Variants in OPRD1 observed in about 807,000 individuals in gnomAD.
OPRD1 encodes delta-type opioid receptor.
A neutral mutation model predicts 17.5 loss-of-function variants in OPRD1; 19 were observed. That is an observed-to-expected ratio of 1.09 (90% CI 0.76 to 1.60). The LOEUF (loss-of-function observed/expected upper bound fraction) is 1.60, where lower values mean the gene tolerates loss of function less well. Among genes scored for constraint, OPRD1 ranks in the 40% most tolerant of loss-of-function variants. OPRD1 has a pLI of 0.00. For missense variants in OPRD1, 483 were observed against 547.2 expected (o/e 0.88, Z 1.17); for synonymous variants, 256 against 240.9 (o/e 1.06, Z -0.58).
chr1:28,824,093 C>T (rs938104283), intron 1 of OPRD1, among the ~76,000 whole-genome samples: 3 of 148,828 alleles, frequency 2.0e-5, no homozygotes, highest in Admixed American at 6.7e-5. Context: ...GCAGGAGAAT[C>T]GCTTGAGCCT....
At chr1:28,839,229 C>T (rs559700880) in intron 1 of OPRD1, among the ~76,000 whole-genome samples, 4 of 152,206 alleles carry the variant, frequency 2.6e-5, no homozygotes, top group South Asian at 4.2e-4. Context: ...TGCTTCTTCC[C>T]GTTTCTGGTG....
At chr1:28,853,261 G>A (rs2089023787) in intron 1 of OPRD1, among the ~76,000 whole-genome samples, 1 of 152,248 alleles carries the variant, frequency 6.6e-6, no homozygotes, top group African/African-American at 2.4e-5. Flanking sequence ...TCAGGTGGAA[G>A]TGATGTGTCG....
chr1:28,845,134 G>A (rs1372909308), intron 1 of OPRD1, among the ~76,000 whole-genome samples: 1 of 151,782 alleles, frequency 6.6e-6, no homozygotes, highest in Non-Finnish European at 1.5e-5. Flanking sequence ...CACAAGGTCA[G>A]GAGTTCGAGA....
intron 1 of OPRD1, among the ~76,000 whole-genome samples, chr1:28,818,389 C>A (rs1292322022): frequency 6.6e-6 from 1 of 152,142 alleles, no homozygotes; most frequent in East Asian, 1.9e-4. Context: ...GTTGCAACTC[C>A]ACAGACAAGT....
chr1:28,830,728 A>G (rs1465094691), intron 1 of OPRD1, among the ~76,000 whole-genome samples: 1 of 152,280 alleles, frequency 6.6e-6, no homozygotes, highest in African/African-American at 2.4e-5. Flanking sequence ...CACAATATCT[A>G]CAAAGTGCTT....
chr1:28,858,115 CTTTTTTTTT>C (rs1233337916), intron 1 of OPRD1, among the ~76,000 whole-genome samples: 1 of 112,960 alleles, frequency 8.9e-6, no homozygotes, highest in Non-Finnish European at 1.8e-5. Context: ...CTTTTTTTTT[CTTTTTTTTT>C]TTTTTTGAGA....
intron 1 of OPRD1, among the ~76,000 whole-genome samples, chr1:28,822,092 C>T (rs1350776129): frequency 7.2e-5 from 11 of 151,776 alleles, no homozygotes; most frequent in South Asian, 2.1e-4. Flanking sequence ...GCTGGGATTA[C>T]GGGCATGCGC....
In OPRD1 at chr1:28,859,112, A is replaced by G. The variant is rs775405915; in HGVS notation, c.386A>G (p.Tyr129Cys). 1.2e-6 allele frequency: 2 copies of G among 1,614,196 alleles called. No individual in the cohort carries two copies. The highest frequency in any genetic ancestry group is 1.7e-6 in the Non-Finnish European group (2 of 1,180,046). The change falls in exon 2 of 3, where the codon TAC becomes TGC. Residue 129 changes from tyrosine to cysteine, a missense_variant. Transcript: ENST00000234961. ...TGCAAGGCTGTGCTCTCCATCGACT[A>G]CTACAATATGTTCACCAGCATCTTC... is the stretch of plus-strand genomic sequence containing the variant. ...LLCKAVLSID[Y>C]YNMFTSIFTL...
intron 1 of OPRD1, among the ~76,000 whole-genome samples, chr1:28,833,921 G>A (rs769102448): frequency 6.6e-6 from 1 of 152,166 alleles, no homozygotes; most frequent in Admixed American, 6.5e-5. Flanking sequence ...AAAAGTAGGT[G>A]GTCACAAACC....
chr1:28,834,465 C>T (rs1478531687), intron 1 of OPRD1, among the ~76,000 whole-genome samples: 1 of 150,864 alleles, frequency 6.6e-6, no homozygotes, highest in Non-Finnish European at 1.5e-5. Context: ...ACTGCAACCT[C>T]CACCTCCTGG....
At position 28,863,852 on chromosome 1, in the gene OPRD1, G is replaced by C. The variant is rs994138853; in HGVS notation, c.*569G>C. ...TGAAGATTTGGTCACCAGATAGGGC[G>C]CCTGTGCAAAGGGCCTGTGGCCTCA... On this transcript the variant is annotated 3_prime_UTR_variant, in exon 3 of 3. Transcript: ENST00000234961. The C allele has an allele frequency of 3.9e-5, 6 of 152,608 alleles. No individual in the cohort carries two copies. Among genetic ancestry groups the C allele is most frequent in the Non-Finnish European group, 8.8e-5 (6 of 68,378 alleles). 9.5% of individuals were successfully genotyped at this position (152,608 alleles called of 1,614,324 possible). A position where few individuals can be genotyped will look rare whatever the true frequency, so the allele number is the denominator to read the frequency against.
intron 1 of OPRD1, among the ~76,000 whole-genome samples, chr1:28,827,169 G>A (rs1243525468): frequency 2.0e-5 from 3 of 152,100 alleles, no homozygotes; most frequent in East Asian, 1.9e-4. Context: ...GGTGGTGTGC[G>A]CCTGTAGTCC....
intron 1 of OPRD1, among the ~76,000 whole-genome samples, chr1:28,834,275 A>G (rs1477487048): frequency 6.6e-6 from 1 of 151,710 alleles, no homozygotes; most frequent in African/African-American, 2.4e-5. Flanking sequence ...CCCTTTTACC[A>G]GTTCCTCCTG....
At chr1:28,827,523 A>G (rs1238489426) in intron 1 of OPRD1, among the ~76,000 whole-genome samples, 2 of 152,036 alleles carry the variant, frequency 1.3e-5, no homozygotes, top group Non-Finnish European at 2.9e-5. Context: ...GCTCATCTAT[A>G]AGAAGCAACT....
chr1:28,847,798 T>C (rs187242986), intron 1 of OPRD1, among the ~76,000 whole-genome samples: 196 of 151,970 alleles, frequency 1.3e-3, no homozygotes, highest in Middle Eastern at 0.01. Context: ...ACCACTGCAC[T>C]CCAGCATGGG....
chr1:28,859,654 G>A (rs926712076), intron 2 of OPRD1, among the ~76,000 whole-genome samples: 1 of 152,140 alleles, frequency 6.6e-6, no homozygotes, highest in Non-Finnish European at 1.5e-5. Context: ...CCAGGGATGT[G>A]TGGATGTATA....
chr1:28,852,522 G>A (rs2089014469), intron 1 of OPRD1, among the ~76,000 whole-genome samples: 1 of 152,018 alleles, frequency 6.6e-6, no homozygotes, highest in South Asian at 2.1e-4. Flanking sequence ...AACTATATTG[G>A]AGCCAGACAT....
At chr1:28,831,629 C>T (rs1218319791) in intron 1 of OPRD1, among the ~76,000 whole-genome samples, 1 of 152,194 alleles carries the variant, frequency 6.6e-6, no homozygotes, top group Non-Finnish European at 1.5e-5. Flanking sequence ...ACTGCAGGCT[C>T]AACTGCCCAG....
chr1:28,862,703 C>T, intron 2 of OPRD1, 39 bp from the exon 3 acceptor site: 2 of 1,545,806 alleles, frequency 1.3e-6, no homozygotes, highest in South Asian at 2.5e-5. Flanking sequence ...GCACACAGGC[C>T]CCTCACCCCG....
Sources: allele counts gnomAD v4.1 joint callset (sites outside exome capture counted in the v4.1 genomes callset), GRCh38; gene constraint gnomAD v4.1.1; transcripts MANE v1.5; gene names NCBI Gene and HGNC (gene_info 2026-07-23, HGNC 2026-07-21).